The following ZNF800 variants were observed in gnomAD, a reference collection of about 807,000 sequenced individuals.
The protein encoded by ZNF800 is zinc finger protein 800.
In ZNF800, 13 loss-of-function variants were observed where a neutral mutation model predicts 59.5. The observed-to-expected ratio is 0.22, with a 90% CI of 0.14 to 0.35. The LOEUF (loss-of-function observed/expected upper bound fraction) is 0.35. ZNF800 is among the 10% of genes least tolerant of loss of function. ZNF800 has a pLI of 1.00. For synonymous variants in ZNF800, 266 were observed against 265.7 expected (o/e 1.00, Z -0.01); for missense variants, 621 against 783.7 (o/e 0.79, Z 2.48).
chr7:127,346,007 T>C (rs1274827138), downstream of ZNF800, among the ~76,000 whole-genome samples: 1 of 151,974 alleles, frequency 6.6e-6, no homozygotes, highest in Non-Finnish European at 1.5e-5. Flanking sequence ...GGATTGATGA[T>C]GCAAAAGAGA....
At chr7:127,364,915 A>C (rs1361939) in intron 1 of ZNF800, among the ~76,000 whole-genome samples, 1 of 152,050 alleles carries the variant, frequency 6.6e-6, no homozygotes, top group African/African-American at 2.4e-5. Flanking sequence ...GTTTGAAGCA[A>C]GCAAGGATAA....
chr7:127,385,176 T>C (rs1390013125), intron 3 of ZNF800, among the ~76,000 whole-genome samples: 4 of 152,222 alleles, frequency 2.6e-5, no homozygotes, highest in African/African-American at 9.6e-5. Context: ...ATGAATTATT[T>C]TTCCTTTGAA....
rs1287128784 is a variant in ZNF800 at position 127,384,358 on chromosome 7, C to CT, written c.157+1701_157+1702insA. On this transcript the variant is annotated intron_variant, in intron 3 of 5. Transcript: ENST00000265827. ...ACGCCATTCTCCTGCCTCAGCCTCT[C>CT]GAGTAGCTGAGACTACAGGCGCCCG... 6.0e-5 allele frequency among the ~76,000 whole-genome samples: 9 copies of CT among 150,666 alleles called. No individual in the cohort carries two copies. The East Asian group carries it at 1.8e-3, about 30-fold the overall frequency.
At chr7:127,350,952 G>C (rs1451480085) in intron 1 of ZNF800, among the ~76,000 whole-genome samples, 1 of 152,112 alleles carries the variant, frequency 6.6e-6, no homozygotes, top group Non-Finnish European at 1.5e-5. Context: ...TTTCCAAAAG[G>C]TGTTCTTAAA....
downstream of ZNF800, among the ~76,000 whole-genome samples, chr7:127,343,636 C>A (rs1800006873): frequency 6.6e-6 from 1 of 151,818 alleles, no homozygotes; most frequent in African/African-American, 2.4e-5. Context: ...TGCTATGTAC[C>A]AATCTAGGTT....
chr7:127,355,946 AT>A (rs1454238593), intron 1 of ZNF800, among the ~76,000 whole-genome samples: 2 of 151,950 alleles, frequency 1.3e-5, no homozygotes, highest in Non-Finnish European at 2.9e-5. Flanking sequence ...GGTACCTAAT[AT>A]TATTTCCTAA....
chr7:127,382,056 G>C (rs1248695352), intron 3 of ZNF800, among the ~76,000 whole-genome samples: 1 of 151,898 alleles, frequency 6.6e-6, no homozygotes, highest in Non-Finnish European at 1.5e-5. Context: ...TCCTCCCTAA[G>C]AGTCAAAAAA....
downstream of ZNF800, among the ~76,000 whole-genome samples, chr7:127,369,571 G>T (rs1296885893): frequency 6.6e-6 from 1 of 152,008 alleles, no homozygotes; most frequent in East Asian, 1.9e-4. Flanking sequence ...CCTAGTTCAG[G>T]TTCTCTTATA....
At chr7:127,373,321 A>G in intron 5 of ZNF800, 21 bp downstream of exon 5, 2 of 1,541,872 alleles carry the variant, frequency 1.3e-6, no homozygotes, top group Non-Finnish European at 1.7e-6. Flanking sequence ...AAAAAGCAAA[A>G]CTCTGTTAAC....
intron 3 of ZNF800, among the ~76,000 whole-genome samples, chr7:127,378,799 C>T (rs186402532): frequency 1.3e-5 from 2 of 151,734 alleles, no homozygotes; most frequent in East Asian, 3.9e-4. Flanking sequence ...AAAAAAGTTA[C>T]CAGGTTATCA....
intron 5 of ZNF800, among the ~76,000 whole-genome samples, chr7:127,372,294 A>T (rs1800652958): frequency 6.6e-6 from 1 of 152,034 alleles, no homozygotes; most frequent in Non-Finnish European, 1.5e-5. Flanking sequence ...CAGCCTGACC[A>T]ACATGATGAA....
intron 5 of ZNF800, 135 bp from the exon 6 acceptor site, chr7:127,371,949 TAATC>T: frequency 1.7e-6 from 1 of 588,126 alleles, no homozygotes; most frequent in Non-Finnish European, 3.1e-6. Flanking sequence ...AAACGTGTGA[TAATC>T]AAACCACAAC....
chr7:127,373,022 T>A (rs1800675222), intron 5 of ZNF800: 1 of 985,138 alleles, frequency 1.0e-6, no homozygotes, highest in Admixed American at 6.1e-5. Context: ...AGAAGACTTC[T>A]ATTGTAAACA....
chr7:127,368,174 T>C (rs1800552791), downstream of ZNF800, among the ~76,000 whole-genome samples: 7 of 152,116 alleles, frequency 4.6e-5, no homozygotes, highest in Admixed American at 3.3e-4. Context: ...GAATAGGGTA[T>C]AGAAACAATT....
rs537004347 is a variant in ZNF800 at position 127,379,304 on chromosome 7, T to C, written c.158-1975A>G. On this transcript the variant is annotated intron_variant, in intron 3 of 5. Coordinates refer to ENST00000265827, the MANE Select transcript of ZNF800 (RefSeq NM_176814.5). Reference sequence around the variant, plus strand: ...TAAAAAATGCTTTGGCTAAGCCTAATTGACCTATATATATTTCTCAGGAAA... The same window carrying C: ...TAAAAAATGCTTTGGCTAAGCCTAACTGACCTATATATATTTCTCAGGAAA... Among the ~76,000 whole-genome samples, 5 of 152,330 alleles carry C rather than the reference T, an allele frequency of 3.3e-5. No homozygotes were observed. The South Asian group carries it at 6.2e-4, about 19-fold the overall frequency.
intron 1 of ZNF800, among the ~76,000 whole-genome samples, chr7:127,352,630 TG>T (rs1800188991): frequency 6.6e-6 from 1 of 152,232 alleles, no homozygotes; most frequent in African/African-American, 2.4e-5. Context: ...TGGGAGAAAA[TG>T]CACTGAACCA....
At chr7:127,345,298 C>A (rs1018406983), downstream of ZNF800, among the ~76,000 whole-genome samples, 32 of 151,306 alleles carry the variant, frequency 2.1e-4, no homozygotes, top group African/African-American at 7.3e-4. Context: ...GAAATAGACC[C>A]CCCCCCCAAA....
At chr7:127,345,015 T>A (rs1016534625), downstream of ZNF800, among the ~76,000 whole-genome samples, 1 of 152,178 alleles carries the variant, frequency 6.6e-6, no homozygotes, top group Non-Finnish European at 1.5e-5. Context: ...AAAGACATCA[T>A]GGATTAAATT....
Position 127,377,009 on chromosome 7 carries a change from A to G in ZNF800, c.301+177T>C, listed in dbSNP as rs1800805102. Among the ~76,000 whole-genome samples the G allele has an allele frequency of 6.6e-6, 1 of 151,996 alleles. No homozygotes were observed. The highest frequency in any genetic ancestry group is 2.4e-5 in the African/African-American group (1 of 41,442). On this transcript the variant is annotated intron_variant, in intron 4 of 5. Transcript: ENST00000265827. The surrounding 1 kb of genome is among the most constrained non-coding windows in gnomAD (Gnocchi z 4.7). Reference sequence around the variant, plus strand: ...GATATGAAAGTACCTAAGAAACTGAATGTAACATTGAGTCAAGTATTTAAT... The same window carrying G: ...GATATGAAAGTACCTAAGAAACTGAGTGTAACATTGAGTCAAGTATTTAAT...
Sources: allele counts gnomAD v4.1 joint callset (sites outside exome capture counted in the v4.1 genomes callset), GRCh38; gene constraint gnomAD v4.1.1; non-coding constraint Gnocchi (gnomAD v3.1); transcripts MANE v1.5; gene names NCBI Gene and HGNC (gene_info 2026-07-23, HGNC 2026-07-21).